Variants in NRG4 observed in about 807,000 individuals in gnomAD.
NRG4 encodes the protein neuregulin 4, also known as pro-neuregulin-4, membrane-bound isoform.
NRG4 carries 10 observed loss-of-function variants against 15.0 expected under a neutral mutation model. The observed-to-expected ratio is 0.67, with a 90% CI of 0.41 to 1.13. NRG4 has a LOEUF of 1.13. NRG4 is among the 50% of genes most tolerant of loss of function. NRG4 has a pLI of 0.00. For synonymous variants in NRG4, 41 were observed against 50.1 expected (o/e 0.82, Z 0.77); for missense variants, 139 against 140.2 (o/e 0.99, Z 0.04).
intron 3 of NRG4, among the ~76,000 whole-genome samples, chr15:75,987,799 C>T (rs1231351064): frequency 1.3e-5 from 2 of 152,172 alleles, no homozygotes; most frequent in Non-Finnish European, 2.9e-5. Context: ...AGCTTTTAGG[C>T]TCACCTTACT....
intron 3 of NRG4, among the ~76,000 whole-genome samples, chr15:75,962,420 C>T (rs749257602): frequency 5.9e-5 from 9 of 152,144 alleles, no homozygotes; most frequent in Non-Finnish European, 8.8e-5. Flanking sequence ...ACAGGGCCTC[C>T]TTTAACATAT....
intron 4 of NRG4, among the ~76,000 whole-genome samples, chr15:76,044,022 G>A (rs1433041316): frequency 2.0e-5 from 3 of 151,758 alleles, no homozygotes; most frequent in Non-Finnish European, 4.4e-5. Context: ...ATGGAGTCTC[G>A]CTCTGTCGCC....
chr15:76,014,704 T>A (rs1386952058), upstream of NRG4, among the ~76,000 whole-genome samples: 2 of 152,210 alleles, frequency 1.3e-5, no homozygotes, highest in Non-Finnish European at 2.9e-5. Context: ...TTGGTCTATA[T>A]GTCTGTTTTG....
At chr15:76,048,220 C>T (rs1439632788) in intron 4 of NRG4, among the ~76,000 whole-genome samples, 1 of 150,034 alleles carries the variant, frequency 6.7e-6, no homozygotes. Context: ...GCCTATAATC[C>T]CAGCACTTTG....
At chr15:75,938,611 A>G (rs1440806901), downstream of NRG4, 1 of 152,242 alleles carries the variant, frequency 6.6e-6, no homozygotes, top group Non-Finnish European at 1.5e-5. Flanking sequence ...CTGGCAGAGA[A>G]AAGTATAATA....
At chr15:76,058,448 C>A (rs1362934613) in intron 1 of NRG4, among the ~76,000 whole-genome samples, 1 of 150,684 alleles carries the variant, frequency 6.6e-6, no homozygotes, top group Non-Finnish European at 1.5e-5. Context: ...AAAGTAGATA[C>A]TCCCTGTATA....
upstream of NRG4, chr15:76,059,928 G>T (rs1165226545): frequency 1.4e-5 from 2 of 147,562 alleles, no homozygotes; most frequent in Non-Finnish European, 3.0e-5. Context: ...GGCCGCGAGG[G>T]GGCGGGGGGG....
rs8028452 is a variant in NRG4 at position 76,018,374 on chromosome 15, C to T, written c.-56-7088G>A. On this transcript the variant is annotated intron_variant, in intron 5 of 8. Coordinates refer to the NRG4 transcript ENST00000563910. ...CCATCCAGTTTTGTTCCCTTGCTGGCGAGGAGTGTGATCCTTTGGAGTAGA... is the reference window on the plus strand; with the variant it reads ...CCATCCAGTTTTGTTCCCTTGCTGGTGAGGAGTGTGATCCTTTGGAGTAGA... 3.5e-3 allele frequency among the ~76,000 whole-genome samples: 539 copies of T among 152,190 alleles called. 4 individuals carry two copies. Among genetic ancestry groups the T allele is most frequent in the African/African-American group, 0.012 (498 of 41,522 alleles).
chr15:75,955,872 T>C, intron 5 of NRG4, 60 bp downstream of exon 5: 1 of 942,162 alleles, frequency 1.1e-6, no homozygotes. Flanking sequence ...AATCCCTACA[T>C]CTAACAACAA....
chr15:76,022,534 A>AAT (rs2035189742), intron 5 of NRG4, among the ~76,000 whole-genome samples: 4 of 152,188 alleles, frequency 2.6e-5, no homozygotes, highest in Admixed American at 6.5e-5. Context: ...GAGATGAATG[A>AAT]GCATTTCAGA....
chr15:75,989,578 G>A (rs565105351), intron 3 of NRG4, among the ~76,000 whole-genome samples: 59 of 151,592 alleles, frequency 3.9e-4, no homozygotes, highest in African/African-American at 1.2e-3. Flanking sequence ...TTTATTCTGC[G>A]GTATCTAATT....
At chr15:75,996,216 C>T (rs2034208963) in intron 3 of NRG4, among the ~76,000 whole-genome samples, 1 of 152,148 alleles carries the variant, frequency 6.6e-6, no homozygotes, top group Non-Finnish European at 1.5e-5. Flanking sequence ...TAGACACTAG[C>T]TCTGTAAGCC....
At chr15:76,028,841 T>C (rs2035387894) in intron 5 of NRG4, among the ~76,000 whole-genome samples, 1 of 149,372 alleles carries the variant, frequency 6.7e-6, no homozygotes, top group Admixed American at 6.7e-5. Flanking sequence ...GGAAGGTAGG[T>C]TGCAGTGAAC....
At chr15:76,034,186 AAAGAT>A (rs766509686) in intron 5 of NRG4, among the ~76,000 whole-genome samples, 3 of 152,226 alleles carry the variant, frequency 2.0e-5, no homozygotes, top group Non-Finnish European at 2.9e-5. Context: ...TGAATAGGCA[AAAGAT>A]AAGATATCTA....
At chr15:75,984,291 G>A (rs2033712550) in intron 3 of NRG4, among the ~76,000 whole-genome samples, 1 of 152,114 alleles carries the variant, frequency 6.6e-6, no homozygotes, top group South Asian at 2.1e-4. Flanking sequence ...TGTCACGGCA[G>A]GGGGTATATA....
chr15:75,946,594 C>T (rs932128995), intron 5 of NRG4, among the ~76,000 whole-genome samples: 3 of 152,120 alleles, frequency 2.0e-5, no homozygotes, highest in Admixed American at 1.3e-4. Context: ...CTCCTGACCT[C>T]GTGATCCGCC....
upstream of NRG4, among the ~76,000 whole-genome samples, chr15:76,015,293 A>G (rs2034941356): frequency 6.6e-6 from 1 of 152,190 alleles, no homozygotes; most frequent in Non-Finnish European, 1.5e-5. Flanking sequence ...GCAAACAGAG[A>G]CAATTTGACT....
intron 1 of NRG4, among the ~76,000 whole-genome samples, chr15:76,058,281 T>C (rs1233750764): frequency 6.6e-6 from 1 of 152,210 alleles, no homozygotes; most frequent in Non-Finnish European, 1.5e-5. Context: ...TCTAGAAATG[T>C]AGAAAAATCC....
In NRG4 at chr15:75,942,963, C is replaced by T. The variant is rs1466514594; in HGVS notation, c.*675G>A. ...AATTACAAGGGAAATAGGTTTGGAA[C>T]TTTGTGACCTGTGTAGTACAATAAC... On this transcript the variant is annotated 3_prime_UTR_variant, in exon 6 of 6. Transcript: ENST00000394907. 1 of 152,196 alleles carries T rather than the reference C, an allele frequency of 6.6e-6. No homozygotes were observed. Among genetic ancestry groups the T allele is most frequent in the Non-Finnish European group, 1.5e-5 (1 of 68,042 alleles). The allele number at this position is 152,196 out of a possible 1,614,324, so 9.4% of individuals were successfully genotyped here. A position where few individuals can be genotyped will look rare whatever the true frequency, so the allele number is the denominator to read the frequency against.
Sources: gnomAD v4.1 joint callset for allele counts (sites outside exome capture counted in the v4.1 genomes callset) on GRCh38, gnomAD v4.1.1 for gene constraint, MANE v1.5 for transcripts, NCBI Gene and HGNC (gene_info 2026-07-23, HGNC 2026-07-21) for gene names.